The following UGT1A7 variants were observed in gnomAD, a reference collection of about 807,000 sequenced individuals.
UGT1A7 encodes the protein UDP glucuronosyltransferase family 1 member A7.
UGT1A7 carries 33 observed loss-of-function variants against 45.6 expected under a neutral mutation model. The ratio of observed to expected loss-of-function variants is 0.72; its 90% confidence interval spans 0.55 to 0.97. The LOEUF (loss-of-function observed/expected upper bound fraction) is 0.97, where lower values mean the gene tolerates loss of function less well. UGT1A7 is among the 50% of genes least tolerant of loss of function. UGT1A7 has a pLI of 0.00. For missense variants in UGT1A7, 684 were observed against 666.2 expected (o/e 1.03, Z -0.29); for synonymous variants, 274 against 250.6 (o/e 1.09, Z -0.88).
intron 1 of UGT1A7, among the ~76,000 whole-genome samples, chr2:233,721,047 T>A (rs1167296961): frequency 6.6e-6 from 1 of 152,100 alleles, no homozygotes; most frequent in Non-Finnish European, 1.5e-5. Flanking sequence ...TTGAGCCCTT[T>A]TTTGTCATAT....
chr2:233,713,766 G>T, intron 1 of UGT1A7: 6 of 1,613,460 alleles, frequency 3.7e-6, no homozygotes, highest in Non-Finnish European at 5.1e-6. Flanking sequence ...GCTGTTCCGA[G>T]GGGACTTTGT....
chr2:233,730,403 A>G (rs1043084681), intron 1 of UGT1A7, among the ~76,000 whole-genome samples: 1 of 152,216 alleles, frequency 6.6e-6, no homozygotes, highest in Non-Finnish European at 1.5e-5. Context: ...GTAAATTACA[A>G]TTGTTGACAT....
intron 1 of UGT1A7, among the ~76,000 whole-genome samples, chr2:233,718,367 A>G (rs896137284): frequency 2.0e-5 from 3 of 152,244 alleles, no homozygotes; most frequent in South Asian, 2.1e-4. Flanking sequence ...TTATTCACAT[A>G]TGAGAAGAAA....
At chr2:233,732,755 G>GTT (rs956485327) in intron 1 of UGT1A7, among the ~76,000 whole-genome samples, 69 of 120,202 alleles carry the variant, frequency 5.7e-4, no homozygotes, top group African/African-American at 1.5e-3. Context: ...CACCAGCTTT[G>GTT]TTTTTTTTTT....
At chr2:233,693,015 T>C in intron 1 of UGT1A7, 2 of 1,614,174 alleles carry the variant, frequency 1.2e-6, no homozygotes, top group Non-Finnish European at 1.7e-6. Flanking sequence ...ATGGCCTGCC[T>C]CCTTCGCTCA....
chr2:233,720,908 G>A (rs900265154), intron 1 of UGT1A7, among the ~76,000 whole-genome samples: 18 of 140,522 alleles, frequency 1.3e-4, no homozygotes, highest in African/African-American at 3.0e-4. Context: ...ATGAGGTTTC[G>A]CAATGTTAGC....
rs765612353 is a variant in UGT1A7 at position 233,772,386 on chromosome 2, G to T, written c.1420G>T (p.Ala474Ser). The T allele has an allele frequency of 6.2e-7, 1 of 1,614,110 alleles. No homozygotes were observed. Among genetic ancestry groups the T allele is most frequent in the Non-Finnish European group, 8.5e-7 (1 of 1,180,046 alleles). The change falls in exon 5 of 5, where the codon GCA becomes TCA. Residue 474 changes from alanine (A) to serine (S), a missense_variant. Coordinates refer to ENST00000373426, the MANE Select transcript of UGT1A7 (RefSeq NM_019077.3). Reference sequence around the variant, plus strand: ...CAAGGGCGCGCCACACCTGCGCCCCGCAGCCCACGACCTCACCTGGTACCA... The same window carrying T: ...CAAGGGCGCGCCACACCTGCGCCCCTCAGCCCACGACCTCACCTGGTACCA... ...RHKGAPHLRP[A>S]AHDLTWYQYH...
chr2:233,705,445 G>A (rs79916929), intron 1 of UGT1A7, among the ~76,000 whole-genome samples: 4,116 of 152,216 alleles, frequency 0.027, 91 homozygotes, highest in African/African-American at 0.046. Flanking sequence ...CTTCAGAATT[G>A]CACATATTTT....
chr2:233,716,352 G>C (rs1407267545), intron 1 of UGT1A7, among the ~76,000 whole-genome samples: 1 of 152,166 alleles, frequency 6.6e-6, no homozygotes, highest in African/African-American at 2.4e-5. Context: ...CTACAATGTA[G>C]ATACTTTGTG....
chr2:233,745,880 T>G (rs1172718877), intron 1 of UGT1A7, among the ~76,000 whole-genome samples: 2 of 151,190 alleles, frequency 1.3e-5, no homozygotes, highest in Non-Finnish European at 2.9e-5. Context: ...TCCAGAAGTG[T>G]TGGTGGGGTG....
intron 1 of UGT1A7, among the ~76,000 whole-genome samples, chr2:233,766,243 G>T (rs1253047551): frequency 1.3e-5 from 2 of 152,008 alleles, no homozygotes; most frequent in Non-Finnish European, 2.9e-5. Flanking sequence ...GTTTCCCCTG[G>T]AGTCAGACCG....
intron 1 of UGT1A7, among the ~76,000 whole-genome samples, chr2:233,700,927 G>T (rs1016140618): frequency 2.6e-5 from 4 of 151,424 alleles, no homozygotes; most frequent in Admixed American, 2.0e-4. Flanking sequence ...CTGTGTCTGT[G>T]TGTGATTGTT....
chr2:233,715,924 G>T (rs1302782144), intron 1 of UGT1A7, among the ~76,000 whole-genome samples: 3 of 152,178 alleles, frequency 2.0e-5, no homozygotes, highest in African/African-American at 7.2e-5. Flanking sequence ...TTGAGCTCAG[G>T]AGTTTCAGCT....
intron 1 of UGT1A7, among the ~76,000 whole-genome samples, chr2:233,744,831 G>T (rs1406769887): frequency 6.6e-6 from 1 of 151,816 alleles, no homozygotes; most frequent in Non-Finnish European, 1.5e-5. Flanking sequence ...TTTGAGAATC[G>T]CTAGTCTAGC....
chr2:233,757,752 A>C (rs979747575), intron 1 of UGT1A7, among the ~76,000 whole-genome samples: 1 of 151,642 alleles, frequency 6.6e-6, no homozygotes, highest in Non-Finnish European at 1.5e-5. Flanking sequence ...GGACATGTTT[A>C]TGTTGCTCCT....
intron 1 of UGT1A7, chr2:233,754,842 G>A (rs1695608877): frequency 7.4e-7 from 1 of 1,343,156 alleles, no homozygotes; most frequent in Non-Finnish European, 1.0e-6. Context: ...TTCACTGAAG[G>A]CAGAGAAAAG....
intron 1 of UGT1A7, chr2:233,713,171 C>G (rs1260839534): frequency 1.2e-6 from 2 of 1,614,088 alleles, no homozygotes; most frequent in Non-Finnish European, 8.5e-7. Flanking sequence ...AGGTGGTGGT[C>G]CTCACCCTGG....
rs67292694 is a variant in UGT1A7 at position 233,757,535 on chromosome 2, A to AATATATATAT, written c.856-9482_856-9473dup. Among the ~76,000 whole-genome samples the AATATATATAT allele has an allele frequency of 5.8e-3, 509 of 88,260 alleles. 17 individuals are homozygous for AATATATATAT. Among genetic ancestry groups the AATATATATAT allele is most frequent in the African/African-American group, 0.017 (333 of 19,902 alleles). The allele number at this position is 88,260 out of a possible 152,430, so 57.9% of individuals were successfully genotyped here. A position where few individuals can be genotyped will look rare whatever the true frequency, so the allele number is the denominator to read the frequency against. On this transcript the variant is annotated intron_variant, in intron 1 of 4. Coordinates refer to ENST00000373426, the MANE Select transcript of UGT1A7 (RefSeq NM_019077.3). ...CAAAGCCAAAATCTTGCCTGTAAGG[A>AATATATATAT]ATATATATATATATATATATATATA...
At chr2:233,690,561 A>C in intron 1 of UGT1A7, 1 of 1,289,374 alleles carries the variant, frequency 7.8e-7, no homozygotes, top group Non-Finnish European at 1.0e-6. Context: ...CCCAAGCCTG[A>C]GTCATTCAGC....
Sources: allele counts gnomAD v4.1 joint callset (sites outside exome capture counted in the v4.1 genomes callset), GRCh38; gene constraint gnomAD v4.1.1; transcripts MANE v1.5; gene names NCBI Gene and HGNC (gene_info 2026-07-23, HGNC 2026-07-21).